The following MOBP variants were observed in gnomAD, a reference collection of about 807,000 sequenced individuals.
The protein encoded by MOBP is myelin associated oligodendrocyte basic protein, also known as myelin-associated oligodendrocyte basic protein.
A neutral mutation model predicts 15.0 loss-of-function variants in MOBP; 5 were observed. That is an observed-to-expected ratio of 0.33 (90% confidence interval 0.17 to 0.70). The LOEUF (loss-of-function observed/expected upper bound fraction) is 0.70, where lower values mean the gene tolerates loss of function less well. MOBP is among the 30% of genes least tolerant of loss of function. The probability of loss-of-function intolerance (pLI) is 0.67; values close to 1 mark genes in which losing one functional copy is unlikely to be tolerated. For missense variants in MOBP, 188 were observed against 257.8 expected (o/e 0.73, Z 1.85); for synonymous variants, 88 against 99.0 (o/e 0.89, Z 0.66).
At chr3:39,478,694 T>C (rs942079259) in intron 1 of MOBP, among the ~76,000 whole-genome samples, 66 of 152,200 alleles carry the variant, frequency 4.3e-4, no homozygotes, top group African/African-American at 1.6e-3. Context: ...CTCTCAAGGA[T>C]CATAGCCCTG....
Position 39,467,755 on chromosome 3 carries a change from T to C in MOBP, c.-89+15T>C, listed in dbSNP as rs1249498034. 1 of 152,256 alleles carries C rather than the reference T, an allele frequency of 6.6e-6. No individual in the cohort carries two copies. Among genetic ancestry groups the C allele is most frequent in the African/African-American group, 2.4e-5 (1 of 41,472 alleles). The allele number at this position is 152,256 out of a possible 1,614,324, so 9.4% of individuals were successfully genotyped here. A position where few individuals can be genotyped will look rare whatever the true frequency, so the allele number is the denominator to read the frequency against. Reference sequence around the variant, plus strand: ...GCTATTTGAAGGTAAGAGGATTCCATTGGTTTTTATTTTACTTCATTTTAT... The same window carrying C: ...GCTATTTGAAGGTAAGAGGATTCCACTGGTTTTTATTTTACTTCATTTTAT... On this transcript the variant is annotated intron_variant, in intron 1 of 3. Coordinates refer to ENST00000684792, the MANE Select transcript of MOBP (RefSeq NM_001393704.1).
At chr3:39,482,110 T>C (rs1028452907) in intron 2 of MOBP, among the ~76,000 whole-genome samples, 1 of 152,122 alleles carries the variant, frequency 6.6e-6, no homozygotes, top group African/African-American at 2.4e-5. Context: ...CATGCTTCTG[T>C]TTTTCGCCCA....
At chr3:39,491,274 CAATT>C (rs767389967) in intron 2 of MOBP, among the ~76,000 whole-genome samples, 16 of 152,122 alleles carry the variant, frequency 1.1e-4, no homozygotes, top group Middle Eastern at 3.2e-3. Flanking sequence ...TTATAACAGA[CAATT>C]AATCTCACCG....
At chr3:39,496,043 T>C (rs6762335) in intron 2 of MOBP, among the ~76,000 whole-genome samples, 41,912 of 151,822 alleles carry the variant, frequency 0.28, 6,930 homozygotes, top group African/African-American at 0.46. Context: ...TTTTCAATAA[T>C]ATAAATTTGA....
At chr3:39,520,657 T>C (rs2125675034), downstream of MOBP, among the ~76,000 whole-genome samples, 1 of 152,200 alleles carries the variant, frequency 6.6e-6, no homozygotes, top group Admixed American at 6.5e-5. Flanking sequence ...TTACTTTTTG[T>C]AGCTTTCTTC....
chr3:39,520,763 C>G (rs2043257239), downstream of MOBP, among the ~76,000 whole-genome samples: 2 of 152,096 alleles, frequency 1.3e-5, no homozygotes, highest in Non-Finnish European at 1.5e-5. Flanking sequence ...GAGGTCATGG[C>G]TCCTGATACA....
chr3:39,488,979 T>C (rs553875436), intron 2 of MOBP, among the ~76,000 whole-genome samples: 154 of 152,254 alleles, frequency 1.0e-3, no homozygotes, highest in African/African-American at 3.5e-3. Flanking sequence ...CACCTTCCTA[T>C]CCTTCCCATT....
Position 39,509,104 on chromosome 3 carries a change from G to A in MOBP, c.*-4279G>A, listed in dbSNP as rs562349652. ...TGTGAGAGTGTTTGTGTGTGTGTGTGTATATATATATATATATGGATTCAC... is the reference window on the plus strand; with the variant it reads ...TGTGAGAGTGTTTGTGTGTGTGTGTATATATATATATATATATGGATTCAC... On this transcript the variant is annotated intron_variant, in intron 4 of 4. Coordinates refer to the MOBP transcript ENST00000311042. 8.5e-3 allele frequency among the ~76,000 whole-genome samples: 1,137 copies of A among 133,208 alleles called. 7 individuals carry two copies. The highest frequency in any genetic ancestry group is 0.039 in the East Asian group (183 of 4,678). 87.4% of individuals were successfully genotyped at this position (133,208 alleles called of 152,430 possible).
At chr3:39,471,732 C>T (rs985515305) in intron 1 of MOBP, among the ~76,000 whole-genome samples, 2 of 152,184 alleles carry the variant, frequency 1.3e-5, no homozygotes, top group African/African-American at 4.8e-5. Flanking sequence ...TTCCATTCAG[C>T]TCTGCATTAC....
At chr3:39,470,504 A>G (rs899598862) in intron 1 of MOBP, among the ~76,000 whole-genome samples, 14 of 152,266 alleles carry the variant, frequency 9.2e-5, no homozygotes, top group African/African-American at 3.4e-4. Context: ...GAACTCAAGT[A>G]TGATATAAGC....
downstream of MOBP, among the ~76,000 whole-genome samples, chr3:39,503,970 G>T (rs664335): frequency 6.6e-6 from 1 of 152,068 alleles, no homozygotes; most frequent in South Asian, 2.1e-4. Flanking sequence ...CATTCACCCC[G>T]CAAAGGTACA....
At chr3:39,479,934 A>G (rs2042604566) in intron 1 of MOBP, 106 bp from the exon 2 acceptor site, 1 of 151,808 alleles carries the variant, frequency 6.6e-6, no homozygotes, top group African/African-American at 2.4e-5. Context: ...AATCCTCCCT[A>G]GGATTATGAG....
chr3:39,478,276 A>G (rs758669472), intron 1 of MOBP, among the ~76,000 whole-genome samples: 8 of 152,174 alleles, frequency 5.3e-5, no homozygotes, highest in Non-Finnish European at 8.8e-5. Context: ...TCAATATGCA[A>G]ATACTTAAAT....
At chr3:39,469,885 C>T (rs1036178571) in intron 1 of MOBP, among the ~76,000 whole-genome samples, 6 of 152,120 alleles carry the variant, frequency 3.9e-5, no homozygotes, top group South Asian at 2.1e-4. Context: ...CAAGGAATCA[C>T]CAAAAGTGTG....
exon 5 of MOBP, chr3:39,524,657 G>T (rs929680960): frequency 6.6e-6 from 1 of 152,216 alleles, no homozygotes; most frequent in South Asian, 2.1e-4. Flanking sequence ...GCAGAAAATT[G>T]TACAACCTGT....
chr3:39,521,984 G>T (rs780073503), intron 3 of MOBP, among the ~76,000 whole-genome samples: 1 of 152,186 alleles, frequency 6.6e-6, no homozygotes, highest in African/African-American at 2.4e-5. Context: ...AGGAGGGTGG[G>T]TCTGGACTAA....
chr3:39,527,722 G>A (rs2043338974), downstream of MOBP: 1 of 152,288 alleles, frequency 6.6e-6, no homozygotes, highest in Non-Finnish European at 1.5e-5. Flanking sequence ...GCCTCCCAAA[G>A]TGCTGGGATT....
intron 2 of MOBP, among the ~76,000 whole-genome samples, chr3:39,496,655 G>T (rs1349567044): frequency 1.4e-5 from 2 of 142,668 alleles, no homozygotes; most frequent in African/African-American, 2.8e-5. Context: ...CACCACGCCC[G>T]GCTAATTTTT....
chr3:39,471,220 C>T (rs572314203), intron 1 of MOBP, among the ~76,000 whole-genome samples: 134 of 151,698 alleles, frequency 8.8e-4, no homozygotes, highest in Non-Finnish European at 1.7e-3. Context: ...ACCTCTGCCT[C>T]CCAGGTTCAA....
Sources: allele counts gnomAD v4.1 joint callset (sites outside exome capture counted in the v4.1 genomes callset), GRCh38; gene constraint gnomAD v4.1.1; transcripts MANE v1.5; gene names NCBI Gene and HGNC (gene_info 2026-07-23, HGNC 2026-07-21).